PPP2R2A: variants seen among roughly 807,000 people sequenced by gnomAD.
The protein encoded by PPP2R2A is protein phosphatase 2 regulatory subunit Balpha, also known as serine/threonine-protein phosphatase 2A 55 kDa regulatory subunit B alpha isoform.
Under a neutral mutation model 53.2 loss-of-function variants are expected in PPP2R2A, and 9 were observed. The ratio of observed to expected loss-of-function variants is 0.17; its 90% CI spans 0.10 to 0.30. The LOEUF (loss-of-function observed/expected upper bound fraction) is 0.30, where lower values mean the gene tolerates loss of function less well. PPP2R2A is among the 10% of genes least tolerant of loss of function. The pLI, the probability that PPP2R2A is intolerant of heterozygous loss-of-function variation, is 1.00. For missense variants in PPP2R2A, 235 were observed against 534.6 expected, an observed-to-expected ratio of 0.44 and a Z score of 5.53; for synonymous variants, 169 against 174.2, an observed-to-expected ratio of 0.97 and a Z score of 0.23.
intron 2 of PPP2R2A, among the ~76,000 whole-genome samples, chr8:26,313,589 C>T (rs1802395330): frequency 1.3e-5 from 2 of 152,132 alleles, no homozygotes; most frequent in Admixed American, 1.3e-4. Context: ...AAAGGACTTG[C>T]AGATGTGAGT....
At chr8:26,315,647 G>A (rs991154497) in intron 2 of PPP2R2A, among the ~76,000 whole-genome samples, 5 of 152,078 alleles carry the variant, frequency 3.3e-5, no homozygotes, top group Admixed American at 3.3e-4. Flanking sequence ...GCCCTGCAAG[G>A]TACCTGGTGC....
At chr8:26,316,798 CG>C (rs1802578049) in intron 2 of PPP2R2A, among the ~76,000 whole-genome samples, 1 of 152,198 alleles carries the variant, frequency 6.6e-6, no homozygotes, top group African/African-American at 2.4e-5. Context: ...ACACACTAAT[CG>C]CATTCATGAG....
At chr8:26,300,310 T>C (rs1323801513) in intron 2 of PPP2R2A, among the ~76,000 whole-genome samples, 1 of 152,200 alleles carries the variant, frequency 6.6e-6, no homozygotes, top group Admixed American at 6.5e-5. Context: ...CAAAAATGTA[T>C]TAAATCAGTG....
intron 2 of PPP2R2A, among the ~76,000 whole-genome samples, chr8:26,327,790 T>G (rs1245292860): frequency 6.6e-6 from 1 of 152,202 alleles, no homozygotes; most frequent in Non-Finnish European, 1.5e-5. Context: ...TAATTAGCTA[T>G]GAGGGGCCAA....
rs555854463 is a variant in PPP2R2A, at chr8:26,367,623, G to T, written c.1064+1217G>T. ...TATATTTGTCCACATAGGTACGTGC[G>T]CATGTGCTCACATGCAACTTGTGTG... On this transcript the variant is annotated intron_variant, in intron 9 of 9. Coordinates refer to ENST00000380737, the MANE Select transcript of PPP2R2A (RefSeq NM_002717.4). Among the ~76,000 whole-genome samples, 99 of 152,248 alleles carry T rather than the reference G, an allele frequency of 6.5e-4. 2 individuals are homozygous for T. Among genetic ancestry groups the T allele is most frequent in the African/African-American group, 2.4e-3 (98 of 41,518 alleles).
chr8:26,364,624 T>C (rs139654651), intron 8 of PPP2R2A, among the ~76,000 whole-genome samples: 18 of 152,376 alleles, frequency 1.2e-4, no homozygotes, highest in African/African-American at 4.3e-4. Flanking sequence ...CTGGGAAGTA[T>C]GTTTCTCAAA....
chr8:26,319,345 CA>C (rs1348718048), intron 2 of PPP2R2A, among the ~76,000 whole-genome samples: 1 of 152,148 alleles, frequency 6.6e-6, no homozygotes, highest in Non-Finnish European at 1.5e-5. Context: ...GCTAGTGTAT[CA>C]TATAGTAATT....
Position 26,291,823 on chromosome 8 carries a change from G to T in PPP2R2A, c.4G>T (p.Ala2Ser). Residue 2 changes from alanine (A) to serine (S), a missense_variant, in exon 1 of 10, where the codon GCA (alanine) becomes TCA (serine). Around this residue, in one of 3 missense-constraint regions of PPP2R2A, gnomAD observed 51 missense variants for 80.6 expected, o/e 0.63. Coordinates refer to ENST00000380737, the MANE Select transcript of PPP2R2A (RefSeq NM_002717.4). ...GGGTCACCATTTGCAGCGCAACATG[G>T]CAGGTAAAGGAGAAATCCCCCTCGC... M[A>S]GAGGGNDIQW... is the part of the protein sequence containing the mutation. 1.2e-6 allele frequency: 2 copies of T among 1,609,466 alleles called. No homozygotes were observed. Among genetic ancestry groups the T allele is most frequent in the Non-Finnish European group, 1.7e-6 (2 of 1,178,308 alleles).
chr8:26,297,253 G>A (rs574181524), intron 2 of PPP2R2A, among the ~76,000 whole-genome samples: 37 of 152,230 alleles, frequency 2.4e-4, no homozygotes, highest in African/African-American at 8.7e-4. Context: ...GGGACTACAG[G>A]TGCACCCCGC....
chr8:26,311,526 G>C (rs909914079), intron 2 of PPP2R2A, among the ~76,000 whole-genome samples: 1 of 151,992 alleles, frequency 6.6e-6, no homozygotes, highest in South Asian at 2.1e-4. Context: ...GTGCTGAGCC[G>C]GGCACGGTGG....
intron 6 of PPP2R2A, 108 bp downstream of exon 6, chr8:26,361,259 C>A: frequency 9.1e-7 from 1 of 1,097,966 alleles, no homozygotes; most frequent in Non-Finnish European, 1.3e-6. Flanking sequence ...AGTCTGTGTA[C>A]ATATATGTAT....
At chr8:26,296,849 T>G (rs979733311) in intron 2 of PPP2R2A, among the ~76,000 whole-genome samples, 1 of 152,196 alleles carries the variant, frequency 6.6e-6, no homozygotes, top group Non-Finnish European at 1.5e-5. Flanking sequence ...AAATAAAAAT[T>G]TAAAACGCTT....
intron 2 of PPP2R2A, among the ~76,000 whole-genome samples, chr8:26,316,337 C>A (rs1347613230): frequency 6.6e-6 from 1 of 152,054 alleles, no homozygotes; most frequent in Non-Finnish European, 1.5e-5. Flanking sequence ...CCTTTTCTTT[C>A]TTCAATTAAT....
intron 2 of PPP2R2A, among the ~76,000 whole-genome samples, chr8:26,330,307 C>CTTT (rs11351968): frequency 1.5e-5 from 2 of 129,950 alleles, no homozygotes; most frequent in Admixed American, 7.8e-5. Flanking sequence ...ATTCTTTTTT[C>CTTT]TTTTTTTTTT....
chr8:26,345,438 C>A (rs1157215286), intron 3 of PPP2R2A, among the ~76,000 whole-genome samples: 1 of 152,092 alleles, frequency 6.6e-6, no homozygotes, highest in Non-Finnish European at 1.5e-5. Flanking sequence ...TATAACCCCA[C>A]CAAACAAAAA....
rs147228155 is a variant in PPP2R2A, at chr8:26,370,284, A to G, written c.1215A>G (p.Lys405=). 8.8e-4 allele frequency: 1,421 copies of G among 1,614,230 alleles called. 24 individuals carry two copies. The South Asian group carries it at 0.012, about 14-fold the overall frequency. Residue 405 remains lysine (K), a synonymous_variant, in exon 10 of 10, where the codon AAA becomes AAG. Transcript: ENST00000380737. This position sits in a 1 kb window ranked among gnomAD's most constrained non-coding sequence, Gnocchi z 6.1. ...RKVCASGKRK[K]DEISVDSLDF... is the part of the protein sequence containing the mutation. ...TCTGTGCAAGTGGCAAGCGAAAGAA[A>G]GATGAAATAAGTGTTGACAGCCTAG...
intron 6 of PPP2R2A, among the ~76,000 whole-genome samples, chr8:26,361,955 C>G (rs1805109163): frequency 6.7e-6 from 1 of 149,642 alleles, no homozygotes; most frequent in South Asian, 2.1e-4. Flanking sequence ...GAGTGAAACT[C>G]TGTCTCAAAA....
At chr8:26,332,455 C>T (rs1803436799) in intron 2 of PPP2R2A, among the ~76,000 whole-genome samples, 1 of 148,914 alleles carries the variant, frequency 6.7e-6, no homozygotes, top group African/African-American at 2.5e-5. Flanking sequence ...GTTGTTTCTT[C>T]CCCTCCTTTA....
intron 9 of PPP2R2A, among the ~76,000 whole-genome samples, chr8:26,368,816 A>G (rs1242729343): frequency 6.6e-6 from 1 of 151,978 alleles, no homozygotes; most frequent in African/African-American, 2.4e-5. Flanking sequence ...TGAAAAATAC[A>G]TATATATAGG....
Sources: allele counts gnomAD v4.1 joint callset (sites outside exome capture counted in the v4.1 genomes callset), GRCh38; gene constraint gnomAD v4.1.1; regional missense constraint gnomAD v4.1.1; non-coding constraint Gnocchi (gnomAD v3.1); transcripts MANE v1.5; gene names NCBI Gene and HGNC (gene_info 2026-07-23, HGNC 2026-07-21).